The following LRRC27 variants were observed in gnomAD, a reference collection of about 807,000 sequenced individuals.
LRRC27 encodes leucine-rich repeat-containing protein 27.
A neutral mutation model predicts 55.0 loss-of-function variants in LRRC27; 57 were observed. The observed-to-expected ratio is 1.04, with a 90% confidence interval of 0.84 to 1.29. The LOEUF is 1.29. Among genes scored for constraint, LRRC27 ranks in the 50% most tolerant of loss-of-function variants. The pLI, the probability that LRRC27 is intolerant of heterozygous loss-of-function variation, is 0.00. For synonymous variants in LRRC27, 278 were observed against 251.9 expected (o/e 1.10, Z -0.98); for missense variants, 721 against 651.5 (o/e 1.11, Z -1.16).
chr10:132,364,382 C>CCCACAA (rs1265040432), intron 9 of LRRC27, among the ~76,000 whole-genome samples: 1 of 111,140 alleles, frequency 9.0e-6, no homozygotes, highest in African/African-American at 4.2e-5. Flanking sequence ...CCCACCCACA[C>CCCACAA]TTACACCCAC....
At chr10:132,340,207 C>T (rs983679963) in intron 3 of LRRC27, among the ~76,000 whole-genome samples, 4 of 152,110 alleles carry the variant, frequency 2.6e-5, no homozygotes, top group Non-Finnish European at 4.4e-5. Flanking sequence ...AACGAATCAA[C>T]GGGTAAGCTT....
chr10:132,351,779 G>A lies in LRRC27; in HGVS notation c.1073+26G>A, dbSNP rs538675827. ...GTGAGTCCACACAGGGTGGGGGTCC[G>A]CACAGCCCGCCCAGTGCACCCGGAA... On this transcript the variant is annotated intron_variant, in intron 7 of 10. Transcript: ENST00000368614. The A allele has an allele frequency of 3.8e-6, 6 of 1,586,116 alleles. No individual in the cohort carries two copies. In the Admixed American group the frequency reaches 5.5e-5, roughly 15 times the overall value.
Position 132,348,054 on chromosome 10 carries a change from C to A in LRRC27, c.624C>A (p.His208Gln), listed in dbSNP as rs150765392. Residue 208 changes from histidine to glutamine, a missense_variant, in exon 6 of 11, where the codon CAC becomes CAA. Coordinates refer to ENST00000368614, the MANE Select transcript of LRRC27 (RefSeq NM_030626.3). The surrounding 1 kb of genome is among the most constrained non-coding windows in gnomAD (Gnocchi z 4.2). Reference sequence around the variant, plus strand: ...CAGGACTGGAGTTGTCTGGAGACCACGCGTCTAACCAAGGAGCTGTGAACG... The same window carrying A: ...CAGGACTGGAGTTGTCTGGAGACCAAGCGTCTAACCAAGGAGCTGTGAACG... Reference protein sequence around the residue: ...PSPGLELSGDHASNQGAVNAQ... With the variant: ...PSPGLELSGDQASNQGAVNAQ... The A allele has an allele frequency of 6.2e-7, 1 of 1,613,796 alleles. No individual in the cohort carries two copies. The highest frequency in any genetic ancestry group is 1.1e-5 in the South Asian group (1 of 91,064).
At chr10:132,340,166 TA>T (rs2067337444) in intron 3 of LRRC27, among the ~76,000 whole-genome samples, 1 of 152,246 alleles carries the variant, frequency 6.6e-6, no homozygotes, top group Non-Finnish European at 1.5e-5. Flanking sequence ...ACTCAACGTT[TA>T]CGTTTATATA....
chr10:132,342,958 T>C (rs2067489743), intron 4 of LRRC27, among the ~76,000 whole-genome samples: 1 of 152,116 alleles, frequency 6.6e-6, no homozygotes, highest in African/African-American at 2.4e-5. Context: ...AACATTAAGA[T>C]TGTATAGCTT....
intron 4 of LRRC27, among the ~76,000 whole-genome samples, chr10:132,343,913 C>G (rs1245980151): frequency 6.6e-6 from 1 of 152,256 alleles, no homozygotes; most frequent in African/African-American, 2.4e-5. Flanking sequence ...CCACGGGAGC[C>G]TTACCTCTCA....
chr10:132,375,164 C>G lies in LRRC27; in HGVS notation c.1515C>G (p.Gly505=), dbSNP rs1321714425. 1.4e-5 allele frequency: 22 copies of G among 1,614,154 alleles called. No homozygotes were observed. Among genetic ancestry groups the G allele is most frequent in the Non-Finnish European group, 1.8e-5 (21 of 1,180,004 alleles). Residue 505 remains glycine (G), a synonymous_variant, in exon 11 of 11, where the codon GGC becomes GGG. Coordinates refer to ENST00000368614, the MANE Select transcript of LRRC27 (RefSeq NM_030626.3). The stretch of plus-strand genomic sequence containing the variant: ...CCCTCACTGGAAACCTTTCGCTTGG[C>G]CTGCCGGCAGCACAGCCTCAAAATA... ...RAALTGNLSL[G]LPAAQPQNTF...
At chr10:132,355,751 C>T (rs1207762880) in intron 7 of LRRC27, 39 bp from the exon 8 acceptor site, 2 of 1,438,092 alleles carry the variant, frequency 1.4e-6, no homozygotes, top group Non-Finnish European at 1.9e-6. Context: ...TGGCTCGAAG[C>T]TGCCTGTAAC....
intron 2 of LRRC27, chr10:132,336,677 G>T: frequency 1.5e-6 from 1 of 687,706 alleles, no homozygotes. Context: ...CTGGAGCACA[G>T]AGAGGTTCAG....
chr10:132,360,562 G>A (rs1487426481), intron 8 of LRRC27, among the ~76,000 whole-genome samples: 1 of 152,134 alleles, frequency 6.6e-6, no homozygotes, highest in Non-Finnish European at 1.5e-5. Context: ...GTTGGTGGGT[G>A]GTCCCTGGTC....
At chr10:132,346,449 G>A (rs1024320639) in intron 5 of LRRC27, among the ~76,000 whole-genome samples, 3 of 152,176 alleles carry the variant, frequency 2.0e-5, no homozygotes, top group African/African-American at 4.8e-5. Flanking sequence ...GGCCGAGGCG[G>A]GCGGATCACG....
At chr10:132,363,805 G>C (rs2068765020) in intron 9 of LRRC27, among the ~76,000 whole-genome samples, 2 of 152,256 alleles carry the variant, frequency 1.3e-5, no homozygotes, top group South Asian at 4.1e-4. Context: ...AAGAAACCTG[G>C]AGGAAGGGTG....
chr10:132,345,668 G>C (rs1317772230), intron 5 of LRRC27, among the ~76,000 whole-genome samples: 1 of 152,196 alleles, frequency 6.6e-6, no homozygotes, highest in Non-Finnish European at 1.5e-5. Flanking sequence ...GCAGGAGTGG[G>C]GGCAGGTAGC....
Position 132,348,051 on chromosome 10 carries a change from C to T in LRRC27, c.621C>T (p.Asp207=), listed in dbSNP as rs201520549. 1.8e-4 allele frequency: 285 copies of T among 1,613,872 alleles called. 2 individuals are homozygous for T. The highest frequency in any genetic ancestry group is 1.7e-6 in the Non-Finnish European group (2 of 1,180,016). The change falls in exon 6 of 11, where the codon GAC becomes GAT. Residue 207 remains aspartate (D), a synonymous_variant. Transcript: ENST00000368614. The surrounding 1 kb of genome is among the most constrained non-coding windows in gnomAD (Gnocchi z 4.2). ...LPSPGLELSG[D]HASNQGAVNA... ...GCCCAGGACTGGAGTTGTCTGGAGA[C>T]CACGCGTCTAACCAAGGAGCTGTGA...
At chr10:132,365,917 T>A (rs1411385980) in intron 10 of LRRC27, among the ~76,000 whole-genome samples, 1 of 152,250 alleles carries the variant, frequency 6.6e-6, no homozygotes, top group Non-Finnish European at 1.5e-5. Flanking sequence ...TAAAGAGAAC[T>A]CACTGTGCCT....
At chr10:132,363,198 G>A (rs1405472658) in intron 9 of LRRC27, among the ~76,000 whole-genome samples, 1 of 132,006 alleles carries the variant, frequency 7.6e-6, no homozygotes. Context: ...GCTGCTCGGG[G>A]GTCCGGGGTT....
chr10:132,369,168 T>C (rs1382064399), intron 10 of LRRC27, among the ~76,000 whole-genome samples: 1 of 152,200 alleles, frequency 6.6e-6, no homozygotes, highest in African/African-American at 2.4e-5. Flanking sequence ...CATTAATTGT[T>C]GGGAATAGAA....
intron 8 of LRRC27, among the ~76,000 whole-genome samples, chr10:132,359,529 CGGGCT>C (rs779783260): frequency 4.6e-5 from 7 of 152,122 alleles, no homozygotes; most frequent in African/African-American, 1.7e-4. Context: ...GTGGCACCCA[CGGGCT>C]GGGCTGGGCT....
rs762677259 is a variant in LRRC27, at chr10:132,372,556, G to A, written c.1417-2510G>A. Among the ~76,000 whole-genome samples, 1 of 152,142 alleles carries A rather than the reference G, an allele frequency of 6.6e-6. No homozygotes were observed. Among genetic ancestry groups the A allele is most frequent in the South Asian group, 2.1e-4 (1 of 4,830 alleles). ...GCACTCCAGCCTGGGCAACAAGAGC[G>A]AAACTCCATTTCAAAAAACAAAAAG... is the stretch of plus-strand genomic sequence containing the variant. On this transcript the variant is annotated intron_variant, in intron 10 of 10. Coordinates refer to ENST00000368614, the MANE Select transcript of LRRC27 (RefSeq NM_030626.3). The surrounding 1 kb of genome is among the most constrained non-coding windows in gnomAD (Gnocchi z 4.0).
Sources: gnomAD v4.1 joint callset for allele counts (sites outside exome capture counted in the v4.1 genomes callset) on GRCh38, gnomAD v4.1.1 for gene constraint, Gnocchi (gnomAD v3.1) non-coding constraint, MANE v1.5 for transcripts, NCBI Gene and HGNC (gene_info 2026-07-23, HGNC 2026-07-21) for gene names.